SMCO1: variants seen among roughly 807,000 people sequenced by gnomAD.
SMCO1 encodes single-pass membrane protein with coiled-coil domains 1.
In SMCO1, 9 loss-of-function variants were observed where a neutral mutation model predicts 7.5. The ratio of observed to expected loss-of-function variants is 1.20; its 90% CI spans 0.72 to 2.09. The LOEUF is 2.09. SMCO1 is among the 30% of genes most tolerant of loss of function. The pLI is 0.00. For synonymous variants in SMCO1, 90 were observed against 93.8 expected, an observed-to-expected ratio of 0.96 and a Z score of 0.23; for missense variants, 219 against 253.1, an observed-to-expected ratio of 0.87 and a Z score of 0.91.
At chr3:196,512,514 T>TTC (rs1167202988) in intron 1 of SMCO1, among the ~76,000 whole-genome samples, 1 of 144,178 alleles carries the variant, frequency 6.9e-6, no homozygotes, top group Non-Finnish European at 1.5e-5. Flanking sequence ...CCTTTCTTTT[T>TTC]TTTTTTTTTT....
intron 1 of SMCO1, among the ~76,000 whole-genome samples, chr3:196,513,586 G>A (rs191425902): frequency 2.3e-5 from 3 of 133,320 alleles, no homozygotes; most frequent in Non-Finnish European, 3.1e-5. Context: ...CTGAAATCGC[G>A]CCACTGCACT....
upstream of SMCO1, among the ~76,000 whole-genome samples, chr3:196,517,635 T>C (rs1214953133): frequency 6.7e-6 from 1 of 149,526 alleles, no homozygotes; most frequent in East Asian, 2.1e-4. Context: ...TGCCTTCCCC[T>C]ATGCATCACT....
chr3:196,508,198 T>C lies in SMCO1; in HGVS notation c.334A>G (p.Lys112Glu). The change falls in exon 3 of 3, where the codon AAA becomes GAA. Residue 112 changes from lysine (K) to glutamate (E), a missense_variant. Physicochemically the swap from Lys to Glu is moderately conservative, Grantham distance 56. Coordinates refer to ENST00000397537, the MANE Select transcript of SMCO1 (RefSeq NM_001077657.3). Reference sequence around the variant, plus strand: ...ACTCTAACGCGCTTGTTCTTAACTTTTCTTCTGAGTACAGAGGCTAAGGTT... The same window carrying C: ...ACTCTAACGCGCTTGTTCTTAACTTCTCTTCTGAGTACAGAGGCTAAGGTT... ...LPTLASVLRRKVKNKRVRVVW... is the reference protein window; with the variant it reads ...LPTLASVLRREVKNKRVRVVW... 1.2e-6 allele frequency: 2 copies of C among 1,614,200 alleles called. No individual in the cohort carries two copies. Among genetic ancestry groups the C allele is most frequent in the Non-Finnish European group, 1.7e-6 (2 of 1,180,044 alleles).
chr3:196,517,775 G>T (rs903029213), upstream of SMCO1, among the ~76,000 whole-genome samples: 13 of 152,204 alleles, frequency 8.5e-5, no homozygotes, highest in Admixed American at 5.9e-4. Context: ...GTTCAAGCAG[G>T]TCTCCTGCCT....
At chr3:196,520,045 A>G (rs1473505164), upstream of SMCO1, among the ~76,000 whole-genome samples, 14 of 152,194 alleles carry the variant, frequency 9.2e-5, no homozygotes, top group Non-Finnish European at 2.9e-5. Context: ...GAAACAGACC[A>G]TCTACGACCT....
chr3:196,507,770 A>G lies in SMCO1; in HGVS notation c.*117T>C. The G allele has an allele frequency of 1.5e-6, 1 of 645,232 alleles. No individual in the cohort carries two copies. The highest frequency in any genetic ancestry group is 2.7e-6 in the Non-Finnish European group (1 of 372,154). The allele number at this position is 645,232 out of a possible 1,614,324, so 40.0% of individuals were successfully genotyped here. ...CTATTGTATCAATTTGTCATAATTT[A>G]TTTAACATCCTCTCACTCTTTGCTA... On this transcript the variant is annotated 3_prime_UTR_variant, in exon 3 of 3. Coordinates refer to ENST00000397537, the MANE Select transcript of SMCO1 (RefSeq NM_001077657.3).
rs2108660182 is a variant in SMCO1 at position 196,508,124 on chromosome 3, G to A, written c.408C>T (p.Ile136=). ...LEECGLQEGD[I]TALCTFFIAR... is the part of the protein sequence containing the mutation. The stretch of plus-strand genomic sequence containing the variant: ...CAATAAAGAAGGTACAAAGTGCTGT[G>A]ATGTCTCCTTCTTGCAGCCCACACT... The change falls in exon 3 of 3, where the codon ATC becomes ATT. Residue 136 remains isoleucine, a synonymous_variant. Coordinates refer to ENST00000397537, the MANE Select transcript of SMCO1 (RefSeq NM_001077657.3). 1 of 1,614,110 alleles carries A rather than the reference G, an allele frequency of 6.2e-7. No homozygotes were observed. The highest frequency in any genetic ancestry group is 8.5e-7 in the Non-Finnish European group (1 of 1,179,966).
At chr3:196,517,716 C>T (rs533565442), upstream of SMCO1, among the ~76,000 whole-genome samples, 1 of 152,150 alleles carries the variant, frequency 6.6e-6, no homozygotes, top group Non-Finnish European at 1.5e-5. Flanking sequence ...GTTGCCCAGG[C>T]TGGAGTGCAG....
upstream of SMCO1, among the ~76,000 whole-genome samples, chr3:196,518,298 G>A (rs2108665795): frequency 6.6e-6 from 1 of 152,334 alleles, no homozygotes; most frequent in Non-Finnish European, 1.5e-5. Flanking sequence ...CTGCTAAAGG[G>A]GGTTATTCCA....
chr3:196,514,973 C>T (rs1733347558), intron 1 of SMCO1, 187 bp downstream of exon 1: 2 of 657,940 alleles, frequency 3.0e-6, no homozygotes, highest in Non-Finnish European at 5.4e-6. Flanking sequence ...ATCTCTTGAC[C>T]CTGTGATCCG....
upstream of SMCO1, among the ~76,000 whole-genome samples, chr3:196,517,389 C>T (rs1333903452): frequency 6.6e-6 from 1 of 152,094 alleles, no homozygotes; most frequent in Non-Finnish European, 1.5e-5. Context: ...TTTCAGCCCC[C>T]ACCCACCAAC....
intron 2 of SMCO1, among the ~76,000 whole-genome samples, chr3:196,508,575 G>A (rs528666052): frequency 6.6e-5 from 10 of 151,292 alleles, no homozygotes; most frequent in South Asian, 4.3e-4. Flanking sequence ...TGATCCTGTC[G>A]CCTCGGCTTC....
intron 2 of SMCO1, 30 bp from the exon 3 acceptor site, chr3:196,508,361 G>T (rs774043079): frequency 3.3e-6 from 5 of 1,535,336 alleles, no homozygotes; most frequent in African/African-American, 1.4e-5. Context: ...CTTCTTAAGC[G>T]GTCAAAAATA....
chr3:196,517,942 G>A (rs1036378458), upstream of SMCO1, among the ~76,000 whole-genome samples: 2 of 152,184 alleles, frequency 1.3e-5, no homozygotes, highest in African/African-American at 4.8e-5. Context: ...TTTTCTAACA[G>A]AAAGTGGCTG....
chr3:196,515,383 G>A (rs769257588), upstream of SMCO1: 3 of 589,522 alleles, frequency 5.1e-6, no homozygotes, highest in Admixed American at 3.0e-5. Flanking sequence ...TTAATAGCCT[G>A]CAGATCCAAA....
Position 196,508,244 on chromosome 3 carries a change from T to C in SMCO1, c.288A>G (p.Pro96=). 1 of 1,614,212 alleles carries C rather than the reference T, an allele frequency of 6.2e-7. No individual in the cohort carries two copies. The highest frequency in any genetic ancestry group is 1.1e-5 in the South Asian group (1 of 91,090). Residue 96 remains proline, a synonymous_variant, in exon 3 of 3, where the codon CCA becomes CCG. Coordinates refer to ENST00000397537, the MANE Select transcript of SMCO1 (RefSeq NM_001077657.3). ...CLHTRVLEKL[P]DLVRGLPTLA... ...AGGTTGGAAGACCTCTCACCAGGTC[T>C]GGCAGCTTCTCAAGCACACGAGTAT...
intron 1 of SMCO1, among the ~76,000 whole-genome samples, chr3:196,512,380 C>T (rs1430286342): frequency 2.0e-5 from 3 of 152,202 alleles, no homozygotes; most frequent in African/African-American, 7.2e-5. Context: ...CTCCAGTGAC[C>T]TGAATACCTT....
chr3:196,520,667 TAACTCAGGTGTTTG>T, the SMCO1 span, among the ~76,000 whole-genome samples: 1 of 152,154 alleles, frequency 6.6e-6, no homozygotes, highest in Admixed American at 6.6e-5. Context: ...TTCCAAAATT[TAACTCAGGTGTTTG>T]ATCTCACGTG....
chr3:196,507,732 G>A lies in SMCO1; in HGVS notation c.*155C>T. The A allele has an allele frequency of 1.7e-6, 1 of 589,132 alleles. No individual in the cohort carries two copies. The highest frequency in any genetic ancestry group is 3.0e-6 in the Non-Finnish European group (1 of 332,628). 36.5% of individuals were successfully genotyped at this position (589,132 alleles called of 1,614,324 possible). A position where few individuals can be genotyped will look rare whatever the true frequency, so the allele number is the denominator to read the frequency against. On this transcript the variant is annotated 3_prime_UTR_variant, in exon 3 of 3. Coordinates refer to ENST00000397537, the MANE Select transcript of SMCO1 (RefSeq NM_001077657.3). ...AGCTTCTTCATTCTTTTATATGGCT[G>A]CAAAGAAAGTATCTATTGTATCAAT...
Sources: gnomAD v4.1 joint callset for allele counts (sites outside exome capture counted in the v4.1 genomes callset) on GRCh38, gnomAD v4.1.1 for gene constraint, MANE v1.5 for transcripts, NCBI Gene and HGNC (gene_info 2026-07-23, HGNC 2026-07-21) for gene names.